Variants in COMMD1 observed in about 807,000 individuals in gnomAD.
COMMD1 encodes copper metabolism domain containing 1, also known as COMM domain-containing protein 1.
In COMMD1, 10 loss-of-function variants were observed where a neutral mutation model predicts 17.2. The ratio of observed to expected loss-of-function variants is 0.58; its 90% CI spans 0.36 to 0.99. The LOEUF (loss-of-function observed/expected upper bound fraction) is 0.99. Among genes scored for constraint, COMMD1 ranks in the 50% least tolerant of loss-of-function variants. The pLI is 0.01. For synonymous variants in COMMD1, 97 were observed against 91.6 expected (o/e 1.06, Z -0.34); for missense variants, 270 against 231.8 (o/e 1.17, Z -1.07).
Position 61,922,013 on chromosome 2 carries a change from A to G in COMMD1, c.180+16155A>G, listed in dbSNP as rs904358938. ...TCTGTAGAATATTTTGGATTTGAATATATTTGTTACCATTTTATTATAGTA... is the reference window on the plus strand; with the variant it reads ...TCTGTAGAATATTTTGGATTTGAATGTATTTGTTACCATTTTATTATAGTA... On this transcript the variant is annotated intron_variant, in intron 1 of 2. Coordinates refer to ENST00000311832, the MANE Select transcript of COMMD1 (RefSeq NM_152516.4). Among the ~76,000 whole-genome samples, 4 of 152,224 alleles carry G rather than the reference A, an allele frequency of 2.6e-5. No individual in the cohort carries two copies. The South Asian group carries it at 8.3e-4, about 31-fold the overall frequency.
intron 2 of COMMD1, among the ~76,000 whole-genome samples, chr2:62,124,326 T>A (rs1019642015): frequency 2.6e-5 from 4 of 152,014 alleles, no homozygotes; most frequent in Admixed American, 2.6e-4. Flanking sequence ...ATAAATAAAG[T>A]TCCTGCCAAT....
chr2:62,095,170 C>A (rs539156161), intron 2 of COMMD1, among the ~76,000 whole-genome samples: 2 of 152,288 alleles, frequency 1.3e-5, no homozygotes, highest in South Asian at 4.1e-4. Context: ...TCAAAAAATA[C>A]ATCAAACTAC....
intron 2 of COMMD1, among the ~76,000 whole-genome samples, chr2:62,103,188 C>G (rs1181203898): frequency 6.6e-6 from 1 of 152,132 alleles, no homozygotes; most frequent in Non-Finnish European, 1.5e-5. Context: ...CCATGTTAGC[C>G]AGAACGATCT....
At chr2:62,094,369 C>T (rs1671938857) in intron 2 of COMMD1, among the ~76,000 whole-genome samples, 1 of 152,124 alleles carries the variant, frequency 6.6e-6, no homozygotes, top group Admixed American at 6.5e-5. Flanking sequence ...GATGTTTTTG[C>T]ATAAGGTGGC....
intron 2 of COMMD1, among the ~76,000 whole-genome samples, chr2:62,096,150 G>A (rs897448154): frequency 6.6e-6 from 1 of 152,056 alleles, no homozygotes; most frequent in African/African-American, 2.4e-5. Flanking sequence ...AGAAAGCTAT[G>A]TAAGTATTTT....
upstream of COMMD1, among the ~76,000 whole-genome samples, chr2:61,902,085 C>A (rs1003385935): frequency 6.6e-6 from 1 of 151,964 alleles, no homozygotes; most frequent in Non-Finnish European, 1.5e-5. Context: ...CCCACCTTGG[C>A]CTCCCAAAGT....
chr2:62,116,003 C>T (rs928508249), intron 2 of COMMD1, among the ~76,000 whole-genome samples: 2 of 151,844 alleles, frequency 1.3e-5, no homozygotes, highest in East Asian at 1.9e-4. Flanking sequence ...TGAGGCACCA[C>T]GCCCAGCTAA....
At chr2:61,990,317 A>T (rs1330105096) in intron 1 of COMMD1, among the ~76,000 whole-genome samples, 2 of 152,206 alleles carry the variant, frequency 1.3e-5, no homozygotes, top group African/African-American at 4.8e-5. Context: ...GAGGTCAGAG[A>T]AGTTCTTATA....
chr2:62,063,897 A>C (rs1267015488), intron 2 of COMMD1, among the ~76,000 whole-genome samples: 1 of 124,498 alleles, frequency 8.0e-6, no homozygotes, highest in Non-Finnish European at 1.7e-5. Flanking sequence ...ATATATATAT[A>C]TTAGCCAGGC....
rs1669328760 is a variant in COMMD1 at position 62,012,939 on chromosome 2, CA to C, written c.462+11958del. On this transcript the variant is annotated intron_variant, in intron 2 of 2. Transcript: ENST00000311832. The stretch of plus-strand genomic sequence containing the variant: ...TGAGCTTTGAATGACAAGAAGGAGG[CA>C]GCCCCAGGAAGATCTGGGGGCACAA... 2.6e-5 allele frequency among the ~76,000 whole-genome samples: 4 copies of C among 152,234 alleles called. No homozygotes were observed. In the South Asian group the frequency reaches 8.3e-4, roughly 32 times the overall value.
chr2:62,134,761 A>AG (rs1480140291), intron 2 of COMMD1, among the ~76,000 whole-genome samples: 3 of 152,010 alleles, frequency 2.0e-5, no homozygotes, highest in Non-Finnish European at 4.4e-5. Flanking sequence ...CTGGAAACAG[A>AG]GGGGGAAAAA....
chr2:61,971,060 C>T (rs112179597), intron 1 of COMMD1, among the ~76,000 whole-genome samples: 2,202 of 151,508 alleles, frequency 0.015, 28 homozygotes, highest in South Asian at 0.026. Flanking sequence ...AAGCATGTGC[C>T]GCCATGCCCG....
chr2:62,021,772 A>G (rs1486739900), intron 2 of COMMD1, among the ~76,000 whole-genome samples: 2 of 152,246 alleles, frequency 1.3e-5, no homozygotes, highest in Non-Finnish European at 2.9e-5. Flanking sequence ...ACCATAAAGA[A>G]TACCATGGAA....
chr2:61,987,709 C>G (rs962631395), intron 1 of COMMD1, among the ~76,000 whole-genome samples: 2 of 152,168 alleles, frequency 1.3e-5, no homozygotes, highest in South Asian at 2.1e-4. Context: ...GCCTAGGACT[C>G]TACAATCAGC....
intron 1 of COMMD1, among the ~76,000 whole-genome samples, chr2:61,957,203 C>T (rs753565957): frequency 6.6e-5 from 10 of 151,628 alleles, no homozygotes; most frequent in Non-Finnish European, 1.5e-4. Flanking sequence ...CCTTGAACTC[C>T]CACCTCAGCC....
intron 1 of COMMD1, among the ~76,000 whole-genome samples, chr2:61,979,765 T>C (rs1671906974): frequency 1.3e-5 from 2 of 151,286 alleles, no homozygotes; most frequent in Admixed American, 6.6e-5. Flanking sequence ...TTTTTTATTA[T>C]ACTCTAAGTT....
chr2:62,026,412 G>C (rs1228882009), intron 2 of COMMD1, among the ~76,000 whole-genome samples: 3 of 152,112 alleles, frequency 2.0e-5, no homozygotes, highest in South Asian at 4.1e-4. Flanking sequence ...TAAATGACCA[G>C]ATCTCTTGAG....
At chr2:62,110,474 C>T (rs954643227) in intron 2 of COMMD1, among the ~76,000 whole-genome samples, 2 of 152,170 alleles carry the variant, frequency 1.3e-5, no homozygotes, top group African/African-American at 4.8e-5. Context: ...CACTGACTTA[C>T]AGTTCTGTGA....
rs188742588 is a variant in COMMD1, at chr2:61,913,994, A to G, written c.180+8136A>G. Among the ~76,000 whole-genome samples, 654 of 151,608 alleles carry G rather than the reference A, an allele frequency of 4.3e-3. 2 individuals carry two copies. Among genetic ancestry groups the G allele is most frequent in the African/African-American group, 0.015 (623 of 41,332 alleles). On this transcript the variant is annotated intron_variant, in intron 1 of 2. Coordinates refer to ENST00000311832, the MANE Select transcript of COMMD1 (RefSeq NM_152516.4). ...AGACCATCCTGGCCAACATGGGGAAACCCCGTCTGTACTAAAAATACAAAA... is the reference window on the plus strand; with the variant it reads ...AGACCATCCTGGCCAACATGGGGAAGCCCCGTCTGTACTAAAAATACAAAA...
Sources: allele counts gnomAD v4.1 joint callset (sites outside exome capture counted in the v4.1 genomes callset), GRCh38; gene constraint gnomAD v4.1.1; transcripts MANE v1.5; gene names NCBI Gene and HGNC (gene_info 2026-07-23, HGNC 2026-07-21).